Variants in CBX7 observed in about 807,000 individuals in gnomAD.
CBX7 encodes the protein chromobox 7.
CBX7 carries 14 observed loss-of-function variants against 31.4 expected under a neutral mutation model. That is an observed-to-expected ratio of 0.45 (90% CI 0.29 to 0.70). The LOEUF (loss-of-function observed/expected upper bound fraction) is 0.70. Among genes scored for constraint, CBX7 ranks in the 30% least tolerant of loss-of-function variants. CBX7 has a pLI of 0.11. For synonymous variants in CBX7, 159 were observed against 152.6 expected (o/e 1.04, Z -0.31); for missense variants, 269 against 351.9 (o/e 0.76, Z 1.89).
chr22:39,134,205 C>T, intron 5 of CBX7, 157 bp from the exon 6 acceptor site: 1 of 859,220 alleles, frequency 1.2e-6, no homozygotes, highest in Non-Finnish European at 1.7e-6. Flanking sequence ...GCACTGGGTG[C>T]ATCCTCCCCA....
At chr22:39,134,226 A>G in intron 5 of CBX7, 175 bp downstream of exon 5, 1 of 850,264 alleles carries the variant, frequency 1.2e-6, no homozygotes, top group Non-Finnish European at 1.8e-6. Context: ...CCTAGACAAG[A>G]GCTCAGCCAG....
rs1555911926 is a variant in CBX7, at chr22:39,133,869, T to G, written c.*22A>C. The G allele has an allele frequency of 6.3e-7, 1 of 1,585,022 alleles. No homozygotes were observed. The highest frequency in any genetic ancestry group is 8.6e-7 in the Non-Finnish European group (1 of 1,161,282). ...ACCCCAAGCCCAAAAGAAAACAGTT[T>G]AAGAAGAGTAAAAACGGTGATTCAG... is the stretch of plus-strand genomic sequence containing the variant. On this transcript the variant is annotated 3_prime_UTR_variant, in exon 6 of 6. Transcript: ENST00000216133.
chr22:39,143,723 T>C (rs1430049805), intron 2 of CBX7, among the ~76,000 whole-genome samples: 1 of 152,228 alleles, frequency 6.6e-6, no homozygotes. Flanking sequence ...TTTTACACTG[T>C]ATTCTTACTG....
At chr22:39,147,748 T>G (rs1393766367) in intron 2 of CBX7, 1 of 152,186 alleles carries the variant, frequency 6.6e-6, no homozygotes, top group African/African-American at 2.4e-5. Flanking sequence ...TTATATTTTT[T>G]TAAGGACCAA....
chr22:39,140,976 C>A (rs1457774073), intron 3 of CBX7: 1 of 224,324 alleles, frequency 4.5e-6, no homozygotes, highest in African/African-American at 2.4e-5. Flanking sequence ...CTGTCACCCC[C>A]GCACAACTGG....
Position 39,134,725 on chromosome 22 carries a change from A to G in CBX7, c.274T>C (p.Ser92Pro). 2 of 1,562,208 alleles carry G rather than the reference A, an allele frequency of 1.3e-6. No individual in the cohort carries two copies. Among genetic ancestry groups the G allele is most frequent in the Non-Finnish European group, 1.7e-6 (2 of 1,151,784 alleles). Residue 92 changes from serine to proline, a missense_variant, in exon 5 of 6, where the codon TCC (serine) becomes CCC (proline). Ser to Pro is a moderately conservative substitution (Grantham distance 74, BLOSUM62 -1). This residue lies in a region of CBX7 where 222 missense variants were observed against 240.4 expected (regional missense o/e 0.92). Coordinates refer to ENST00000216133, the MANE Select transcript of CBX7 (RefSeq NM_175709.5). ...QRLYSMDLRS[S>P]HKAKGKEKLC... Reference sequence around the variant, plus strand: ...TTCTCCTTGCCCTTGGCCTTGTGGGAGCTCCGCAGGTCCATGCTGTACAGC... The same window carrying G: ...TTCTCCTTGCCCTTGGCCTTGTGGGGGCTCCGCAGGTCCATGCTGTACAGC...
At chr22:39,148,535 G>T (rs1161554507) in intron 2 of CBX7, 1 of 152,230 alleles carries the variant, frequency 6.6e-6, no homozygotes, top group Non-Finnish European at 1.5e-5. Context: ...TCCCTTTACT[G>T]CCCCCTTCAC....
intron 2 of CBX7, among the ~76,000 whole-genome samples, chr22:39,143,430 GT>G (rs1187886860): frequency 6.6e-6 from 1 of 152,020 alleles, no homozygotes; most frequent in Non-Finnish European, 1.5e-5. Context: ...AGACAAAAAG[GT>G]TTAAAAAGTT....
rs1163534838 is a variant in CBX7 at position 39,152,176 on chromosome 22, T to C, written c.69+200A>G. Among the ~76,000 whole-genome samples, 2 of 152,106 alleles carry C rather than the reference T, an allele frequency of 1.3e-5. No individual in the cohort carries two copies. Among genetic ancestry groups the C allele is most frequent in the African/African-American group, 2.4e-5 (1 of 41,436 alleles). On this transcript the variant is annotated intron_variant, in intron 1 of 5. Coordinates refer to ENST00000216133, the MANE Select transcript of CBX7 (RefSeq NM_175709.5). This position sits in a 1 kb window ranked among gnomAD's most constrained non-coding sequence, Gnocchi z 4.9. ...GCAGGCTCGGCCGCCACTAGCATCC[T>C]GGAGCGACAACTTTTGTTCTACTCG...
intron 2 of CBX7, chr22:39,147,140 G>A (rs980034824): frequency 8.8e-6 from 1 of 113,852 alleles, no homozygotes; most frequent in Non-Finnish European, 1.6e-5. Context: ...GTCTCACTGT[G>A]TTGCCCAGGC....
At position 39,149,922 on chromosome 22, in the gene CBX7, C is replaced by G. The variant is rs147724211; in HGVS notation, c.70-90G>C. The G allele has an allele frequency of 2.1e-4, 205 of 989,266 alleles. No homozygotes were observed. In the East Asian group the frequency reaches 4.1e-3, roughly 20 times the overall value. The allele number at this position is 989,266 out of a possible 1,614,324, so 61.3% of individuals were successfully genotyped here. A position where few individuals can be genotyped will look rare whatever the true frequency, so the allele number is the denominator to read the frequency against. ...AGTTAAGGCCCAAAGGAGCCCAGCT[C>G]CAAATCCCATCTGCAGACAGGTGTC... is the stretch of plus-strand genomic sequence containing the variant. On this transcript the variant is annotated intron_variant, in intron 1 of 5. Coordinates refer to ENST00000216133, the MANE Select transcript of CBX7 (RefSeq NM_175709.5).
intron 2 of CBX7, chr22:39,147,047 C>A (rs1200306049): frequency 7.0e-6 from 1 of 143,624 alleles, no homozygotes; most frequent in African/African-American, 2.6e-5. Context: ...ACAGGCAAGG[C>A]ATGTAGTGGT....
intron 3 of CBX7, chr22:39,141,072 A>C: frequency 2.7e-6 from 1 of 365,060 alleles, no homozygotes. Flanking sequence ...GGCCCCTCTG[A>C]GGTTTCACCC....
At chr22:39,145,926 C>CG (rs898219138) in intron 2 of CBX7, among the ~76,000 whole-genome samples, 2 of 152,004 alleles carry the variant, frequency 1.3e-5, no homozygotes, top group Non-Finnish European at 2.9e-5. Context: ...CGGCCTTTCC[C>CG]GGGGGGTCGG....
intron 1 of CBX7, among the ~76,000 whole-genome samples, chr22:39,150,085 G>A (rs1930798884): frequency 6.6e-6 from 1 of 152,210 alleles, no homozygotes; most frequent in Non-Finnish European, 1.5e-5. Flanking sequence ...CCACCTCTGA[G>A]GCTCCTGAGG....
chr22:39,141,231 A>C, intron 3 of CBX7, 140 bp downstream of exon 3: 1 of 629,322 alleles, frequency 1.6e-6, no homozygotes, highest in Non-Finnish European at 2.7e-6. Context: ...CACCATTTTC[A>C]CCCAGCTGCA....
At chr22:39,150,203 G>A (rs1057177430) in intron 1 of CBX7, among the ~76,000 whole-genome samples, 3 of 152,204 alleles carry the variant, frequency 2.0e-5, no homozygotes, top group East Asian at 1.9e-4. Flanking sequence ...AGGTGGGAAC[G>A]CTTACTTTCT....
rs73420799 is a variant in CBX7, at chr22:39,146,922, C to G, written c.113+2867G>C. On this transcript the variant is annotated intron_variant, in intron 2 of 5. Coordinates refer to ENST00000216133, the MANE Select transcript of CBX7 (RefSeq NM_175709.5). ...CCTCAGGCACAGCTGGCACCTGTAC[C>G]TGATAATGTCACATTCCCTGTCCCG... is the stretch of plus-strand genomic sequence containing the variant. Among the ~76,000 whole-genome samples, 191 of 152,192 alleles carry G rather than the reference C, an allele frequency of 1.3e-3. 1 individual carries two copies. Among genetic ancestry groups the G allele is most frequent in the African/African-American group, 4.4e-3 (184 of 41,500 alleles).
In CBX7 at chr22:39,131,614, G is replaced by A. The variant is rs1042889848; in HGVS notation, c.*2277C>T. 2 of 152,240 alleles carry A rather than the reference G, an allele frequency of 1.3e-5. No homozygotes were observed. The highest frequency in any genetic ancestry group is 2.9e-5 in the Non-Finnish European group (2 of 68,100). The allele number at this position is 152,240 out of a possible 1,614,324, so 9.4% of individuals were successfully genotyped here. On this transcript the variant is annotated 3_prime_UTR_variant, in exon 6 of 6. Transcript: ENST00000216133. ...ACACCCCTGGAGTTCAGCTCTCCCT[G>A]AGCCACGGAGTTCCCCATGGGCCAT... is the stretch of plus-strand genomic sequence containing the variant.
Sources: allele counts gnomAD v4.1 joint callset (sites outside exome capture counted in the v4.1 genomes callset), GRCh38; gene constraint gnomAD v4.1.1; regional missense constraint gnomAD v4.1.1; non-coding constraint Gnocchi (gnomAD v3.1); transcripts MANE v1.5; gene names NCBI Gene and HGNC (gene_info 2026-07-23, HGNC 2026-07-21).